The following FTO variants were observed in gnomAD, a reference collection of about 807,000 sequenced individuals.
FTO encodes alpha-ketoglutarate-dependent dioxygenase FTO.
In FTO, 47 loss-of-function variants were observed where a neutral mutation model predicts 63.9. The observed-to-expected ratio is 0.74, with a 90% CI of 0.58 to 0.94. The LOEUF is 0.94. Ranked by LOEUF, FTO falls within the 40% of genes least tolerant of loss-of-function variation. FTO has a pLI of 0.00. For missense variants in FTO, 562 were observed against 618.1 expected (o/e 0.91, Z 0.96); for synonymous variants, 207 against 224.4 (o/e 0.92, Z 0.69).
chr16:54,107,284 G>A (rs1383528711), intron 8 of FTO, among the ~76,000 whole-genome samples: 1 of 152,088 alleles, frequency 6.6e-6, no homozygotes, highest in Non-Finnish European at 1.5e-5. Context: ...GGATTAGAGA[G>A]GACAGGATTG....
chr16:54,011,202 A>T (rs375140708), intron 8 of FTO, among the ~76,000 whole-genome samples: 7 of 152,342 alleles, frequency 4.6e-5, no homozygotes, highest in Admixed American at 2.0e-4. Context: ...AAACAAAATG[A>T]GTTTACATAT....
rs2087000455 is a variant in FTO, at chr16:54,120,862, A to C, written c.*8947A>C. On this transcript the variant is annotated 3_prime_UTR_variant, in exon 9 of 9. Transcript: ENST00000471389. Reference sequence around the variant, plus strand: ...ATTGTTTTCTCCATAGGTCACAAACATCCACAAGATATTGGTGATTTTACA... The same window carrying C: ...ATTGTTTTCTCCATAGGTCACAAACCTCCACAAGATATTGGTGATTTTACA... The C allele has an allele frequency of 6.6e-6, 1 of 152,222 alleles. No homozygotes were observed. The highest frequency in any genetic ancestry group is 1.5e-5 in the Non-Finnish European group (1 of 68,044). 9.4% of individuals were successfully genotyped at this position (152,222 alleles called of 1,614,324 possible).
intron 7 of FTO, among the ~76,000 whole-genome samples, chr16:53,904,777 A>G (rs905324297): frequency 1.3e-5 from 2 of 152,092 alleles, no homozygotes; most frequent in African/African-American, 4.8e-5. Context: ...ACCTTCTGAT[A>G]TGATGAGCCT....
intron 4 of FTO, among the ~76,000 whole-genome samples, chr16:53,867,377 G>A (rs2091417935): frequency 6.6e-6 from 1 of 152,104 alleles, no homozygotes; most frequent in Non-Finnish European, 1.5e-5. Flanking sequence ...GAGATTTTGA[G>A]ATGGAATAAG....
chr16:54,014,425 C>T (rs528275414), intron 8 of FTO, among the ~76,000 whole-genome samples: 2 of 152,214 alleles, frequency 1.3e-5, no homozygotes, highest in South Asian at 2.1e-4. Flanking sequence ...CTTTCTCTCT[C>T]TCCGTGTGAT....
intron 8 of FTO, among the ~76,000 whole-genome samples, chr16:54,060,784 T>A (rs1285392749): frequency 6.6e-6 from 1 of 152,234 alleles, no homozygotes; most frequent in Non-Finnish European, 1.5e-5. Context: ...GTATTTTGTT[T>A]GGTCTATTGC....
intron 3 of FTO, among the ~76,000 whole-genome samples, chr16:53,841,105 T>G (rs1305596873): frequency 1.1e-5 from 1 of 92,414 alleles, no homozygotes; most frequent in Admixed American, 1.1e-4. Flanking sequence ...AACTATCTAA[T>G]GCTGGTGCTG....
intron 8 of FTO, among the ~76,000 whole-genome samples, chr16:53,995,210 CCAAA>C (rs749104359): frequency 3.1e-4 from 47 of 152,340 alleles, no homozygotes; most frequent in Admixed American, 1.8e-3. Flanking sequence ...GTCTCGTTCA[CCAAA>C]CAGTGAGCCC....
chr16:53,798,589 AT>A (rs1282071630), intron 1 of FTO, among the ~76,000 whole-genome samples: 1 of 152,178 alleles, frequency 6.6e-6, no homozygotes, highest in Non-Finnish European at 1.5e-5. Flanking sequence ...TATAAAAATA[AT>A]TTTTGTATAT....
intron 8 of FTO, among the ~76,000 whole-genome samples, chr16:54,056,867 G>A (rs561101985): frequency 1.2e-4 from 19 of 152,210 alleles, no homozygotes; most frequent in Non-Finnish European, 2.5e-4. Flanking sequence ...GAGGTAATTT[G>A]TTACCCGGCA....
intron 7 of FTO, among the ~76,000 whole-genome samples, chr16:53,920,781 T>C (rs532573060): frequency 6.6e-6 from 1 of 152,276 alleles, no homozygotes; most frequent in Non-Finnish European, 1.5e-5. Flanking sequence ...GAATGGTTGT[T>C]GGCATGGCAG....
At chr16:53,987,094 C>T (rs939303867) in intron 8 of FTO, among the ~76,000 whole-genome samples, 29 of 151,898 alleles carry the variant, frequency 1.9e-4, no homozygotes, top group African/African-American at 6.5e-4. Context: ...GAAACAAAAT[C>T]GTGCCAGTCG....
chr16:53,714,670 A>G (rs2151473514), intron 1 of FTO, among the ~76,000 whole-genome samples: 1 of 152,292 alleles, frequency 6.6e-6, no homozygotes, highest in African/African-American at 2.4e-5. Context: ...AGCAGCCAAT[A>G]TGCTGCGAGC....
intron 8 of FTO, among the ~76,000 whole-genome samples, chr16:53,973,179 G>A (rs946580913): frequency 2.4e-4 from 36 of 152,156 alleles, no homozygotes; most frequent in African/African-American, 7.5e-4. Context: ...GGCATCGAGA[G>A]CAGAGGTTAT....
Position 54,114,329 on chromosome 16 carries a change from A to G in FTO, c.*2414A>G, listed in dbSNP as rs939577304. 2.6e-5 allele frequency: 4 copies of G among 152,094 alleles called. No homozygotes were observed. Among genetic ancestry groups the G allele is most frequent in the African/African-American group, 9.7e-5 (4 of 41,398 alleles). The allele number at this position is 152,094 out of a possible 1,614,324, so 9.4% of individuals were successfully genotyped here. Reference sequence around the variant, plus strand: ...CAAACCTGCTTGCTTGCACCCCTCTAGTCGAAATATTTTGTGCTTACCCCA... The same window carrying G: ...CAAACCTGCTTGCTTGCACCCCTCTGGTCGAAATATTTTGTGCTTACCCCA... On this transcript the variant is annotated 3_prime_UTR_variant, in exon 9 of 9. Coordinates refer to ENST00000471389, the MANE Select transcript of FTO (RefSeq NM_001080432.3).
chr16:53,819,782 A>C (rs1172189259), intron 2 of FTO, among the ~76,000 whole-genome samples: 1 of 152,126 alleles, frequency 6.6e-6, no homozygotes, highest in African/African-American at 2.4e-5. Context: ...ATTTTTGGTA[A>C]ATTTCCAGAG....
At chr16:53,870,540 G>A (rs1302403622) in intron 4 of FTO, among the ~76,000 whole-genome samples, 3 of 152,156 alleles carry the variant, frequency 2.0e-5, no homozygotes, top group Admixed American at 2.0e-4. Context: ...CCAGAGTGAG[G>A]AATGACAAAA....
At chr16:53,762,913 C>A (rs2151607878) in intron 1 of FTO, among the ~76,000 whole-genome samples, 1 of 152,186 alleles carries the variant, frequency 6.6e-6, no homozygotes, top group East Asian at 1.9e-4. Flanking sequence ...ATTTACCATG[C>A]CTCAAAAGCT....
intron 7 of FTO, among the ~76,000 whole-genome samples, chr16:53,923,347 C>T (rs1216012797): frequency 6.6e-6 from 1 of 152,172 alleles, no homozygotes; most frequent in Non-Finnish European, 1.5e-5. Flanking sequence ...CTGTCAGGGG[C>T]AAGACACCAG....
Sources: allele counts gnomAD v4.1 joint callset (sites outside exome capture counted in the v4.1 genomes callset), GRCh38; gene constraint gnomAD v4.1.1; transcripts MANE v1.5; gene names NCBI Gene and HGNC (gene_info 2026-07-23, HGNC 2026-07-21).